The following IRAK2 variants were observed in gnomAD, a reference collection of about 807,000 sequenced individuals.
IRAK2 encodes the protein interleukin-1 receptor-associated kinase-like 2.
A neutral mutation model predicts 72.0 loss-of-function variants in IRAK2; 57 were observed. The observed-to-expected ratio is 0.79, with a 90% CI of 0.64 to 0.99. The LOEUF (loss-of-function observed/expected upper bound fraction) is 0.99, where lower values mean the gene tolerates loss of function less well. Ranked by LOEUF, IRAK2 falls within the 50% of genes least tolerant of loss-of-function variation. The probability of loss-of-function intolerance (pLI) is 0.00; values close to 1 mark genes in which losing one functional copy is unlikely to be tolerated. For synonymous variants in IRAK2, 293 were observed against 312.7 expected, an observed-to-expected ratio of 0.94 and a Z score of 0.67; for missense variants, 790 against 794.4, an observed-to-expected ratio of 0.99 and a Z score of 0.07.
chr3:10,197,354 T>C (rs1450694269), intron 2 of IRAK2, among the ~76,000 whole-genome samples: 1 of 146,564 alleles, frequency 6.8e-6, no homozygotes, highest in African/African-American at 2.5e-5. Context: ...CACTGTACTC[T>C]AGCCTGGGCA....
intron 12 of IRAK2, among the ~76,000 whole-genome samples, chr3:10,241,823 A>C (rs1427204232): frequency 7.3e-6 from 1 of 136,082 alleles, no homozygotes; most frequent in East Asian, 2.2e-4. Flanking sequence ...AAAAAAAAAA[A>C]AAAGCCAGGT....
intron 1 of IRAK2, among the ~76,000 whole-genome samples, chr3:10,168,463 G>A (rs534846505): frequency 3.5e-4 from 53 of 151,286 alleles, no homozygotes; most frequent in African/African-American, 1.2e-3. Flanking sequence ...TGCCCGCCTC[G>A]GCCTCCCAAA....
chr3:10,206,631 C>G (rs1697437907), intron 3 of IRAK2, among the ~76,000 whole-genome samples: 1 of 152,038 alleles, frequency 6.6e-6, no homozygotes, highest in African/African-American at 2.4e-5. Flanking sequence ...TCTTGGCTCA[C>G]TGCAACCTCT....
intron 3 of IRAK2, among the ~76,000 whole-genome samples, chr3:10,204,709 A>G (rs990673748): frequency 6.6e-6 from 1 of 152,184 alleles, no homozygotes. Context: ...AGATCACGCC[A>G]CTGCACTCCA....
intron 9 of IRAK2, among the ~76,000 whole-genome samples, chr3:10,224,353 A>G (rs1218518670): frequency 2.0e-5 from 3 of 150,274 alleles, no homozygotes; most frequent in Admixed American, 6.6e-5. Flanking sequence ...AAAAAAAAAG[A>G]AAAAAAAGAA....
At chr3:10,168,095 C>T (rs574132469) in intron 1 of IRAK2, among the ~76,000 whole-genome samples, 2 of 152,268 alleles carry the variant, frequency 1.3e-5, no homozygotes, top group Admixed American at 6.5e-5. Context: ...CTGCATCTGG[C>T]TTTATGTTTA....
intron 6 of IRAK2, among the ~76,000 whole-genome samples, chr3:10,214,479 C>T (rs1463972205): frequency 2.8e-5 from 4 of 142,880 alleles, no homozygotes; most frequent in African/African-American, 1.1e-4. Context: ...GATCCTCCTG[C>T]CTTGACCTCC....
chr3:10,234,537 G>C lies in IRAK2; in HGVS notation c.1351G>C (p.Ala451Pro). ...GAAGACGGGCGTGGAGAACGTGATG[G>C]CAAAGGAGATCTGCCAGAAGTACCT... ...SRKTGVENVM[A>P]KEICQKYLEK... Residue 451 changes from alanine to proline, a missense_variant, in exon 11 of 13, where the codon GCA (alanine) becomes CCA (proline). Ala to Pro is a conservative substitution (Grantham distance 27). Transcript: ENST00000256458. 1 of 1,614,148 alleles carries C rather than the reference G, an allele frequency of 6.2e-7. No homozygotes were observed. The highest frequency in any genetic ancestry group is 8.5e-7 in the Non-Finnish European group (1 of 1,180,030).
chr3:10,177,514 G>A (rs570727121), intron 1 of IRAK2, among the ~76,000 whole-genome samples: 1 of 152,318 alleles, frequency 6.6e-6, no homozygotes, highest in South Asian at 2.1e-4. Flanking sequence ...TATAGAAGGG[G>A]AGGCAGGCAG....
chr3:10,177,389 C>T (rs1696892662), intron 1 of IRAK2, among the ~76,000 whole-genome samples: 2 of 152,146 alleles, frequency 1.3e-5, no homozygotes, highest in Admixed American at 1.3e-4. Flanking sequence ...GGTGCCTCAC[C>T]TGACTCACCC....
intron 10 of IRAK2, among the ~76,000 whole-genome samples, chr3:10,230,994 C>T (rs1292906555): frequency 6.6e-6 from 1 of 151,766 alleles, no homozygotes; most frequent in Non-Finnish European, 1.5e-5. Flanking sequence ...CTCAAGTGAT[C>T]CACCTGCCTC....
chr3:10,189,060 G>C (rs11465872), intron 2 of IRAK2, among the ~76,000 whole-genome samples: 4,694 of 152,342 alleles, frequency 0.031, 249 homozygotes, highest in African/African-American at 0.11. Flanking sequence ...TTACAGTCCA[G>C]TGGGAGATGA....
At chr3:10,197,327 G>T (rs754905682) in intron 2 of IRAK2, among the ~76,000 whole-genome samples, 82 of 151,482 alleles carry the variant, frequency 5.4e-4, no homozygotes, top group Non-Finnish European at 1.0e-3. Context: ...AGAGGTTGCA[G>T]TGAGCCGAGA....
rs1393052508 is a variant in IRAK2, at chr3:10,173,441, TC to T, written c.95-4395del. On this transcript the variant is annotated intron_variant, in intron 1 of 12. Coordinates refer to ENST00000256458, the MANE Select transcript of IRAK2 (RefSeq NM_001570.4). ...TTCTACGATGACCAGCTATTACCTG[TC>T]CATGCTGAGAAAAAAGCTGCAGCTT... Among the ~76,000 whole-genome samples, 5 of 152,182 alleles carry T rather than the reference TC, an allele frequency of 3.3e-5. No individual in the cohort carries two copies. The East Asian group carries it at 9.6e-4, about 29-fold the overall frequency.
intron 2 of IRAK2, among the ~76,000 whole-genome samples, chr3:10,184,081 C>A (rs574238017): frequency 3.9e-5 from 6 of 152,130 alleles, no homozygotes; most frequent in Non-Finnish European, 5.9e-5. Context: ...CCCCTCTGTG[C>A]CCCTACATGC....
At chr3:10,227,253 G>A (rs1461237913) in intron 10 of IRAK2, among the ~76,000 whole-genome samples, 1 of 152,020 alleles carries the variant, frequency 6.6e-6, no homozygotes, top group Non-Finnish European at 1.5e-5. Context: ...TTCGAGACCA[G>A]CCTGGGCAAC....
At chr3:10,232,133 A>C (rs1697871631) in intron 10 of IRAK2, among the ~76,000 whole-genome samples, 1 of 100,220 alleles carries the variant, frequency 1.0e-5, no homozygotes, top group Non-Finnish European at 2.2e-5. Flanking sequence ...TCTCAACAAC[A>C]ACAACAAAAA....
chr3:10,223,374 G>A (rs1697725725), intron 9 of IRAK2, among the ~76,000 whole-genome samples: 1 of 150,414 alleles, frequency 6.6e-6, no homozygotes, highest in African/African-American at 2.4e-5. Flanking sequence ...CTGCCATTAT[G>A]TCGTGCCAGG....
At chr3:10,180,757 A>G (rs1038457284) in intron 2 of IRAK2, among the ~76,000 whole-genome samples, 5 of 152,234 alleles carry the variant, frequency 3.3e-5, no homozygotes, top group African/African-American at 1.2e-4. Flanking sequence ...ACCCTCTGAG[A>G]TAAACCAGGA....
Sources: allele counts gnomAD v4.1 joint callset (sites outside exome capture counted in the v4.1 genomes callset), GRCh38; gene constraint gnomAD v4.1.1; transcripts MANE v1.5; gene names NCBI Gene and HGNC (gene_info 2026-07-23, HGNC 2026-07-21).